Variants in SSBP2 observed in about 807,000 individuals in gnomAD.
SSBP2 encodes single-stranded DNA-binding protein 2.
SSBP2 carries 17 observed loss-of-function variants against 61.8 expected under a neutral mutation model. The ratio of observed to expected loss-of-function variants is 0.28; its 90% CI spans 0.19 to 0.41. SSBP2 has a LOEUF of 0.41. Among genes scored for constraint, SSBP2 ranks in the 10% least tolerant of loss-of-function variants. The probability of loss-of-function intolerance (pLI) is 1.00; values close to 1 mark genes in which losing one functional copy is unlikely to be tolerated. For synonymous variants in SSBP2, 139 were observed against 141.3 expected (o/e 0.98, Z 0.12); for missense variants, 310 against 458.7 (o/e 0.68, Z 2.96).
intron 1 of SSBP2, among the ~76,000 whole-genome samples, chr5:81,654,897 A>C (rs1040119867): frequency 6.6e-6 from 1 of 152,088 alleles, no homozygotes; most frequent in African/African-American, 2.4e-5. Flanking sequence ...CAGGAAGTGG[A>C]AGGCTGAGGC....
At chr5:81,616,713 T>C (rs1190554800) in intron 3 of SSBP2, 193 of 147,514 alleles carry the variant, frequency 1.3e-3, no homozygotes, top group African/African-American at 4.7e-3. Flanking sequence ...TCTGACAGCT[T>C]TGAAGAGAGC....
intron 5 of SSBP2, among the ~76,000 whole-genome samples, chr5:81,511,873 T>C (rs1216663309): frequency 6.6e-6 from 1 of 152,142 alleles, no homozygotes; most frequent in African/African-American, 2.4e-5. Flanking sequence ...ATTTATCACA[T>C]TGGAAAAACT....
At chr5:81,469,365 G>C (rs1162047966) in intron 8 of SSBP2, among the ~76,000 whole-genome samples, 1 of 151,870 alleles carries the variant, frequency 6.6e-6, no homozygotes, top group Non-Finnish European at 1.5e-5. Flanking sequence ...CTCAAAAACT[G>C]TAACTGCTAA....
intron 1 of SSBP2, among the ~76,000 whole-genome samples, chr5:81,749,006 C>T (rs1431612873): frequency 6.6e-6 from 1 of 152,176 alleles, no homozygotes; most frequent in African/African-American, 2.4e-5. Context: ...TTCTCAAATT[C>T]AGTCACCCCC....
intron 4 of SSBP2, among the ~76,000 whole-genome samples, chr5:81,600,686 C>G (rs910401642): frequency 2.6e-5 from 4 of 150,958 alleles, no homozygotes; most frequent in African/African-American, 7.3e-5. Flanking sequence ...AACTGAATAC[C>G]TAAGATAAAT....
intron 10 of SSBP2, among the ~76,000 whole-genome samples, chr5:81,450,915 C>T (rs1458869372): frequency 6.6e-6 from 1 of 152,176 alleles, no homozygotes; most frequent in Admixed American, 6.5e-5. Flanking sequence ...ACACGGTTGA[C>T]AAGATCCAAA....
At chr5:81,600,254 C>T (rs1744217485) in intron 4 of SSBP2, among the ~76,000 whole-genome samples, 2 of 151,974 alleles carry the variant, frequency 1.3e-5, no homozygotes, top group African/African-American at 4.8e-5. Flanking sequence ...AGCTAAAGAT[C>T]CTACATACAT....
chr5:81,588,547 TATATA>T (rs1775251488), intron 4 of SSBP2, among the ~76,000 whole-genome samples: 1 of 151,874 alleles, frequency 6.6e-6, no homozygotes, highest in African/African-American at 2.4e-5. Context: ...TTCCCATATA[TATATA>T]ATATATCTAT....
Position 81,717,652 on chromosome 5 carries a change from G to A in SSBP2, c.62+33329C>T, listed in dbSNP as rs191060020. Among the ~76,000 whole-genome samples the A allele has an allele frequency of 1.3e-3, 190 of 151,906 alleles. 1 individual carries two copies. The highest frequency in any genetic ancestry group is 4.4e-3 in the African/African-American group (182 of 41,396). On this transcript the variant is annotated intron_variant, in intron 1 of 16. Coordinates refer to ENST00000320672, the MANE Select transcript of SSBP2 (RefSeq NM_012446.5). ...CAAGCATAATATATGAAAAACCAAGGTCCCCACAAAATTTAACTTACTGTA... is the reference window on the plus strand; with the variant it reads ...CAAGCATAATATATGAAAAACCAAGATCCCCACAAAATTTAACTTACTGTA...
At chr5:81,610,359 C>T (rs1561601701) in intron 4 of SSBP2, among the ~76,000 whole-genome samples, 1 of 152,182 alleles carries the variant, frequency 6.6e-6, no homozygotes, top group Admixed American at 6.5e-5. Context: ...AGTAGTTGTG[C>T]CCTTGTCTTC....
chr5:81,653,083 G>T (rs962482205), intron 1 of SSBP2, among the ~76,000 whole-genome samples: 1 of 151,850 alleles, frequency 6.6e-6, no homozygotes, highest in Non-Finnish European at 1.5e-5. Context: ...TTCTCCTAAT[G>T]CTATCCCTCC....
intron 14 of SSBP2, 22 bp from the exon 15 acceptor site, chr5:81,437,480 A>T: frequency 6.3e-7 from 1 of 1,599,224 alleles, no homozygotes; most frequent in South Asian, 1.1e-5. Context: ...TATAAAAAGA[A>T]AGCCTTTATT....
intron 4 of SSBP2, among the ~76,000 whole-genome samples, chr5:81,609,398 T>C (rs1045887738): frequency 2.0e-5 from 3 of 152,216 alleles, no homozygotes; most frequent in Non-Finnish European, 4.4e-5. Context: ...TTTGCAGCAT[T>C]TAAACCTATA....
intron 15 of SSBP2, among the ~76,000 whole-genome samples, chr5:81,430,026 A>G (rs1580657153): frequency 1.3e-5 from 2 of 152,326 alleles, no homozygotes; most frequent in East Asian, 3.9e-4. Flanking sequence ...TTATCCAAGT[A>G]TATAGAAAAG....
chr5:81,659,499 A>G (rs995551863), intron 1 of SSBP2, among the ~76,000 whole-genome samples: 3 of 151,980 alleles, frequency 2.0e-5, no homozygotes, highest in African/African-American at 7.2e-5. Flanking sequence ...ACAAACCACT[A>G]CTCAAGAAAA....
intron 2 of SSBP2, among the ~76,000 whole-genome samples, chr5:81,649,971 T>C (rs1749589518): frequency 6.6e-6 from 1 of 152,058 alleles, no homozygotes; most frequent in South Asian, 2.1e-4. Flanking sequence ...CTCTCACAAA[T>C]TTTTTAGAGT....
chr5:81,473,659 T>A (rs766925566), intron 8 of SSBP2, 41 bp downstream of exon 8: 2 of 1,583,500 alleles, frequency 1.3e-6, no homozygotes, highest in Admixed American at 1.7e-5. Context: ...TTTGGGTTGG[T>A]TCCATATCTT....
At chr5:81,439,646 G>A (rs1343184077) in intron 14 of SSBP2, among the ~76,000 whole-genome samples, 6 of 147,336 alleles carry the variant, frequency 4.1e-5, no homozygotes, top group Non-Finnish European at 6.0e-5. Context: ...GATTACAGGC[G>A]CCCAGCACCC....
At chr5:81,614,818 T>C (rs1055289863) in intron 4 of SSBP2, among the ~76,000 whole-genome samples, 1 of 152,170 alleles carries the variant, frequency 6.6e-6, no homozygotes, top group South Asian at 2.1e-4. Flanking sequence ...TTTTTTCTTT[T>C]CACAGTTCTA....
Sources: allele counts gnomAD v4.1 joint callset (sites outside exome capture counted in the v4.1 genomes callset), GRCh38; gene constraint gnomAD v4.1.1; transcripts MANE v1.5; gene names NCBI Gene and HGNC (gene_info 2026-07-23, HGNC 2026-07-21).